The following PLXDC2 variants were observed in gnomAD, a reference collection of about 807,000 sequenced individuals.
PLXDC2 encodes the protein plexin domain-containing protein 2.
Under a neutral mutation model 68.9 loss-of-function variants are expected in PLXDC2, and 40 were observed. That is an observed-to-expected ratio of 0.58 (90% confidence interval 0.45 to 0.76). The LOEUF is 0.76. Ranked by LOEUF, PLXDC2 falls within the 30% of genes least tolerant of loss-of-function variation. The probability of loss-of-function intolerance (pLI) is 0.00; values close to 1 mark genes in which losing one functional copy is unlikely to be tolerated. For missense variants in PLXDC2, 644 were observed against 661.9 expected (o/e 0.97, Z 0.30); for synonymous variants, 243 against 234.2 (o/e 1.04, Z -0.34).
At chr10:20,060,624 T>C (rs906189562) in intron 3 of PLXDC2, among the ~76,000 whole-genome samples, 26 of 152,148 alleles carry the variant, frequency 1.7e-4, no homozygotes, top group African/African-American at 6.0e-4. Context: ...TTAGCCCAGT[T>C]CCTGTTATTT....
At chr10:20,162,909 CA>C (rs71390763) in intron 6 of PLXDC2, among the ~76,000 whole-genome samples, 9,610 of 97,998 alleles carry the variant, frequency 0.098, 567 homozygotes, top group African/African-American at 0.25. Flanking sequence ...ACTAAAAATA[CA>C]AAAAAAAAAA....
chr10:20,181,378 T>C (rs1287607282), intron 9 of PLXDC2, among the ~76,000 whole-genome samples: 3 of 152,004 alleles, frequency 2.0e-5, no homozygotes, highest in Non-Finnish European at 4.4e-5. Flanking sequence ...ACCATAACTC[T>C]CATGGAGTTT....
At chr10:19,984,106 C>T (rs1205530320) in intron 1 of PLXDC2, among the ~76,000 whole-genome samples, 1 of 152,214 alleles carries the variant, frequency 6.6e-6, no homozygotes, top group East Asian at 1.9e-4. Context: ...TTGAGTTTCA[C>T]ATATGTATTT....
Position 19,993,569 on chromosome 10 carries a change from G to A in PLXDC2, c.113-8206G>A, listed in dbSNP as rs149116735. Among the ~76,000 whole-genome samples, 685 of 152,148 alleles carry A rather than the reference G, an allele frequency of 4.5e-3. 6 individuals carry two copies. Among genetic ancestry groups the A allele is most frequent in the African/African-American group, 0.015 (626 of 41,522 alleles). On this transcript the variant is annotated intron_variant, in intron 1 of 13. Transcript: ENST00000377252. The stretch of plus-strand genomic sequence containing the variant: ...TGAGTAGCTGGGATTACAGGCATGC[G>A]CCACCTCACCTGGCTGAGTTTTGTA...
At chr10:19,875,251 T>C (rs1250987577) in intron 1 of PLXDC2, among the ~76,000 whole-genome samples, 1 of 152,128 alleles carries the variant, frequency 6.6e-6, no homozygotes, top group Non-Finnish European at 1.5e-5. Flanking sequence ...CAGTAGAAAA[T>C]AAACAGGAAA....
chr10:19,903,716 C>G (rs922792849), intron 1 of PLXDC2, among the ~76,000 whole-genome samples: 3 of 86,958 alleles, frequency 3.4e-5, no homozygotes, highest in African/African-American at 1.4e-4. Flanking sequence ...TTTTTTTTTT[C>G]TGGTGGGTTT....
chr10:20,272,844 A>G (rs977804773), intron 13 of PLXDC2, among the ~76,000 whole-genome samples: 10 of 152,330 alleles, frequency 6.6e-5, no homozygotes, highest in Middle Eastern at 3.4e-3. Flanking sequence ...AAGTTAGTCC[A>G]ATGTTATCAC....
chr10:19,904,605 C>G (rs1315055944), intron 1 of PLXDC2, among the ~76,000 whole-genome samples: 1 of 152,172 alleles, frequency 6.6e-6, no homozygotes, highest in African/African-American at 2.4e-5. Context: ...TTTTCAGTGT[C>G]TCATGAAGGC....
chr10:20,125,768 C>T (rs1217259416), intron 4 of PLXDC2, among the ~76,000 whole-genome samples: 2 of 151,932 alleles, frequency 1.3e-5, no homozygotes, highest in Non-Finnish European at 2.9e-5. Flanking sequence ...TTAATGTACA[C>T]AGCAGTGTTA....
At chr10:20,086,706 A>G (rs1833202173) in intron 4 of PLXDC2, among the ~76,000 whole-genome samples, 1 of 152,202 alleles carries the variant, frequency 6.6e-6, no homozygotes, top group Admixed American at 6.5e-5. Context: ...CTTCGAGAAC[A>G]GGATTCAAAG....
intron 2 of PLXDC2, among the ~76,000 whole-genome samples, chr10:20,044,270 TTTCTTTCTTTCTTTCTTTCTTTC>T (rs1166871856): frequency 8.3e-5 from 11 of 131,764 alleles, no homozygotes; most frequent in African/African-American, 3.3e-4. Flanking sequence ...TCTTTCTTTC[TTTCTTTCTTTCTTTCTTTCTTTC>T]TTCTTTCTCT....
chr10:20,157,179 C>T (rs1370806367), intron 6 of PLXDC2, among the ~76,000 whole-genome samples: 1 of 152,238 alleles, frequency 6.6e-6, no homozygotes, highest in Non-Finnish European at 1.5e-5. Flanking sequence ...TTAAGGGTTA[C>T]AGGCAGATAA....
chr10:20,109,147 T>A (rs9971126), intron 4 of PLXDC2, among the ~76,000 whole-genome samples: 5,090 of 152,298 alleles, frequency 0.033, 293 homozygotes, highest in African/African-American at 0.12. Flanking sequence ...TTTATTTATT[T>A]GTCTTTGTGA....
chr10:20,085,941 A>G (rs1234432569), intron 4 of PLXDC2, among the ~76,000 whole-genome samples: 1 of 152,220 alleles, frequency 6.6e-6, no homozygotes, highest in Non-Finnish European at 1.5e-5. Context: ...CTGCCTATAA[A>G]TGGTAAAAGG....
intron 12 of PLXDC2, among the ~76,000 whole-genome samples, chr10:20,220,600 G>A (rs1186679965): frequency 6.6e-6 from 1 of 151,966 alleles, no homozygotes; most frequent in African/African-American, 2.4e-5. Context: ...TCGAATAAGT[G>A]TGAGAGACTC....
At chr10:19,980,852 C>A (rs189295162) in intron 1 of PLXDC2, among the ~76,000 whole-genome samples, 10 of 152,240 alleles carry the variant, frequency 6.6e-5, no homozygotes, top group African/African-American at 1.9e-4. Context: ...CTTCAAAATG[C>A]AAATCTTAGG....
chr10:19,931,954 T>A (rs1230199958), intron 1 of PLXDC2, among the ~76,000 whole-genome samples: 2 of 133,006 alleles, frequency 1.5e-5, no homozygotes, highest in Admixed American at 1.6e-4. Flanking sequence ...ATTTGGGAAG[T>A]GTGTGTGTGT....
At chr10:20,029,832 A>G (rs1835469192) in intron 2 of PLXDC2, among the ~76,000 whole-genome samples, 1 of 152,164 alleles carries the variant, frequency 6.6e-6, no homozygotes, top group African/African-American at 2.4e-5. Context: ...ATTTTTAATA[A>G]CTCACGAAAG....
At chr10:20,026,539 G>T (rs1254552480) in intron 2 of PLXDC2, among the ~76,000 whole-genome samples, 1 of 152,022 alleles carries the variant, frequency 6.6e-6, no homozygotes, top group Non-Finnish European at 1.5e-5. Context: ...AAGTACGATG[G>T]ATAAAATTAC....
Sources: allele counts gnomAD v4.1 joint callset (sites outside exome capture counted in the v4.1 genomes callset), GRCh38; gene constraint gnomAD v4.1.1; transcripts MANE v1.5; gene names NCBI Gene and HGNC (gene_info 2026-07-23, HGNC 2026-07-21).